Variants in ROBO1 observed in about 807,000 individuals in gnomAD.
The protein encoded by ROBO1 is roundabout homolog 1.
Under a neutral mutation model 195.9 loss-of-function variants are expected in ROBO1, and 149 were observed. The observed-to-expected ratio is 0.76, with a 90% CI of 0.67 to 0.87. ROBO1 has a LOEUF of 0.87. Among genes scored for constraint, ROBO1 ranks in the 40% least tolerant of loss-of-function variants. The pLI, the probability that ROBO1 is intolerant of heterozygous loss-of-function variation, is 0.00. For missense variants in ROBO1, 1,933 were observed against 2,068.3 expected (o/e 0.93, Z 1.27); for synonymous variants, 816 against 733.2 (o/e 1.11, Z -1.82).
rs547246085 is a variant in ROBO1 at position 78,979,814 on chromosome 3, T to C, written c.173-40887A>G. On this transcript the variant is annotated intron_variant, in intron 3 of 30. Transcript: ENST00000464233. ...TGCGGGCAGAAGGAAAGAAAATGAA[T>C]ACACACACAAACACACACACACACA... Among the ~76,000 whole-genome samples the C allele has an allele frequency of 3.3e-5, 5 of 150,354 alleles. No homozygotes were observed. The East Asian group carries it at 5.9e-4, about 18-fold the overall frequency.
intron 2 of ROBO1, among the ~76,000 whole-genome samples, chr3:79,280,130 C>T (rs563811652): frequency 6.6e-6 from 1 of 151,972 alleles, no homozygotes; most frequent in South Asian, 2.1e-4. Context: ...AGAGATTTGT[C>T]CAAAGATACA....
At chr3:78,643,494 A>T (rs956883864) in intron 21 of ROBO1, among the ~76,000 whole-genome samples, 1 of 152,118 alleles carries the variant, frequency 6.6e-6, no homozygotes, top group Non-Finnish European at 1.5e-5. Flanking sequence ...GACAGTCCAG[A>T]CCTATGTAAT....
At chr3:78,776,440 G>T (rs984440625) in intron 4 of ROBO1, among the ~76,000 whole-genome samples, 1 of 151,996 alleles carries the variant, frequency 6.6e-6, no homozygotes, top group South Asian at 2.1e-4. Context: ...TAGTAGAGAC[G>T]GGGTTTCGCC....
chr3:78,901,993 T>C (rs1408713856), intron 4 of ROBO1, among the ~76,000 whole-genome samples: 1 of 152,204 alleles, frequency 6.6e-6, no homozygotes, highest in Non-Finnish European at 1.5e-5. Flanking sequence ...ACATTTTATT[T>C]TCTTACAGAC....
intron 8 of ROBO1, 111 bp from the exon 9 acceptor site, chr3:78,688,883 T>C: frequency 4.6e-6 from 5 of 1,080,636 alleles, no homozygotes; most frequent in Non-Finnish European, 6.3e-6. Context: ...ACATGTTATG[T>C]AAAACAGTCA....
At chr3:79,579,999 A>T (rs891347889) in intron 2 of ROBO1, among the ~76,000 whole-genome samples, 22 of 152,176 alleles carry the variant, frequency 1.4e-4, no homozygotes, top group Middle Eastern at 3.2e-3. Context: ...AACTTAAACA[A>T]GATAAAACAT....
intron 1 of ROBO1, among the ~76,000 whole-genome samples, chr3:79,706,067 T>C (rs1947760693): frequency 6.6e-6 from 1 of 152,140 alleles, no homozygotes; most frequent in African/African-American, 2.4e-5. Context: ...TTGTTGATTC[T>C]TCCACATTTT....
intron 8 of ROBO1, among the ~76,000 whole-genome samples, chr3:78,698,735 A>G (rs556063198): frequency 6.6e-6 from 1 of 152,214 alleles, no homozygotes; most frequent in African/African-American, 2.4e-5. Flanking sequence ...GAGCTATTCA[A>G]CTTAAAGCTT....
intron 1 of ROBO1, among the ~76,000 whole-genome samples, chr3:79,649,698 C>T (rs1449094011): frequency 6.6e-6 from 1 of 152,044 alleles, no homozygotes; most frequent in African/African-American, 2.4e-5. Context: ...TTGGGTATAT[C>T]TCTGAGGGTA....
At chr3:79,610,434 C>T (rs541411393) in intron 1 of ROBO1, among the ~76,000 whole-genome samples, 6 of 151,794 alleles carry the variant, frequency 4.0e-5, no homozygotes, top group Admixed American at 1.3e-4. Context: ...ACTGAAACTT[C>T]GGAAAGCAAA....
chr3:78,795,431 T>G (rs148123032), intron 4 of ROBO1, among the ~76,000 whole-genome samples: 395 of 152,280 alleles, frequency 2.6e-3, no homozygotes, highest in South Asian at 5.8e-3. Flanking sequence ...CTTCATACCC[T>G]TAAGGGACAG....
chr3:78,636,034 A>G lies in ROBO1; in HGVS notation c.3112T>C (p.Tyr1038His), dbSNP rs768766392. 2.5e-6 allele frequency: 4 copies of G among 1,613,842 alleles called. No individual in the cohort carries two copies. Among genetic ancestry groups the G allele is most frequent in the South Asian group, 2.2e-5 (2 of 91,084 alleles). The stretch of plus-strand genomic sequence containing the variant: ...TTGTTACTAAGGTCCACATCACCAT[A>G]AACAGTTGACTCAGGGAGCATCAGA... ...TNLMLPESTV[Y>H]GDVDLSNKIN... Residue 1038 changes from tyrosine (Y) to histidine (H), a missense_variant, in exon 23 of 31, where the codon TAT (tyrosine) becomes CAT (histidine). Coordinates refer to ENST00000464233, the MANE Select transcript of ROBO1 (RefSeq NM_002941.4).
At chr3:78,894,422 TGTC>T (rs1255464399) in intron 4 of ROBO1, among the ~76,000 whole-genome samples, 9 of 152,202 alleles carry the variant, frequency 5.9e-5, no homozygotes, top group Non-Finnish European at 1.2e-4. Context: ...AATTATAAAA[TGTC>T]CTCAGATATT....
intron 3 of ROBO1, among the ~76,000 whole-genome samples, chr3:78,983,466 T>C (rs1434897364): frequency 6.6e-6 from 1 of 152,236 alleles, no homozygotes; most frequent in Non-Finnish European, 1.5e-5. Flanking sequence ...TTCTCAATTC[T>C]CAGAGTTCAG....
At chr3:78,998,082 A>C (rs2077410913) in intron 3 of ROBO1, among the ~76,000 whole-genome samples, 1 of 152,294 alleles carries the variant, frequency 6.6e-6, no homozygotes, top group African/African-American at 2.4e-5. Context: ...TTGTGGAATT[A>C]AATTGTAACT....
chr3:79,623,102 A>G (rs1244233136), intron 1 of ROBO1, among the ~76,000 whole-genome samples: 2 of 151,964 alleles, frequency 1.3e-5, no homozygotes, highest in Non-Finnish European at 2.9e-5. Flanking sequence ...CATTGAAAGA[A>G]AAACGAACCT....
At chr3:79,426,650 A>G (rs4588326) in intron 2 of ROBO1, among the ~76,000 whole-genome samples, 152,027 of 152,294 alleles carry the variant, frequency 1, 75,881 homozygotes, top group Non-Finnish European at 1. Flanking sequence ...TTACAGGCGT[A>G]AGCCACCGTG....
At chr3:79,256,706 T>C (rs1165019515) in intron 2 of ROBO1, among the ~76,000 whole-genome samples, 1 of 152,180 alleles carries the variant, frequency 6.6e-6, no homozygotes, top group Admixed American at 6.5e-5. Flanking sequence ...TTTACATCTA[T>C]TAACTTTCTG....
At chr3:79,655,273 T>C (rs1417023646) in intron 1 of ROBO1, among the ~76,000 whole-genome samples, 1 of 152,018 alleles carries the variant, frequency 6.6e-6, no homozygotes, top group Non-Finnish European at 1.5e-5. Flanking sequence ...ATATTAAAAC[T>C]TGTCAACTAT....
Sources: gnomAD v4.1 joint callset for allele counts (sites outside exome capture counted in the v4.1 genomes callset) on GRCh38, gnomAD v4.1.1 for gene constraint, MANE v1.5 for transcripts, NCBI Gene and HGNC (gene_info 2026-07-23, HGNC 2026-07-21) for gene names.